MYO7A: variants seen among roughly 807,000 people sequenced by gnomAD.
MYO7A encodes myosin VIIA.
In MYO7A, 210 loss-of-function variants were observed where a neutral mutation model predicts 263.8. The ratio of observed to expected loss-of-function variants is 0.80; its 90% CI spans 0.71 to 0.89. MYO7A has a LOEUF of 0.89. Among genes scored for constraint, MYO7A ranks in the 40% least tolerant of loss-of-function variants. MYO7A has a pLI of 0.00. For missense variants in MYO7A, 2,820 were observed against 2,968.3 expected, an observed-to-expected ratio of 0.95 and a Z score of 1.16; for synonymous variants, 1,239 against 1,197.3, an observed-to-expected ratio of 1.03 and a Z score of -0.72.
intron 8 of MYO7A, among the ~76,000 whole-genome samples, chr11:77,157,816 T>C (rs1952638230): frequency 6.6e-6 from 1 of 152,224 alleles, no homozygotes; most frequent in African/African-American, 2.4e-5. Context: ...ACACACACTC[T>C]TGTAGACACA....
At chr11:77,207,448 CA>C (rs1318747992) in intron 42 of MYO7A, 46 bp downstream of exon 42, 1 of 1,382,104 alleles carries the variant, frequency 7.2e-7, no homozygotes, top group Admixed American at 1.9e-5. Context: ...TTGCTGGGGC[CA>C]TAGGAACTTA....
Position 77,162,458 on chromosome 11 carries a change from G to A in MYO7A, c.1554+128G>A, listed in dbSNP as rs547072286. 3 of 909,608 alleles carry A rather than the reference G, an allele frequency of 3.3e-6. No homozygotes were observed. The Admixed American group carries it at 6.3e-5, about 19-fold the overall frequency. The allele number at this position is 909,608 out of a possible 1,614,324, so 56.3% of individuals were successfully genotyped here. On this transcript the variant is annotated intron_variant, in intron 13 of 48. Transcript: ENST00000409709. The stretch of plus-strand genomic sequence containing the variant: ...ACCCACCTCTCAAGTTGGCTCAGGG[G>A]CCAATTCAAGTATAGGCATCTGCCA...
rs1212991453 is a variant in MYO7A at position 77,138,150 on chromosome 11, G to A, written c.19-4559G>A. On this transcript the variant is annotated intron_variant, in intron 2 of 48. Transcript: ENST00000409709. This position sits in a 1 kb window ranked among gnomAD's most constrained non-coding sequence, Gnocchi z 4.9. ...CCGAGACGGAGGGGGCCGGGGTGGCGCGGGCGCCCCCTCGCCGTCCCGCCC... is the reference window on the plus strand; with the variant it reads ...CCGAGACGGAGGGGGCCGGGGTGGCACGGGCGCCCCCTCGCCGTCCCGCCC... Among the ~76,000 whole-genome samples, 1 of 152,100 alleles carries A rather than the reference G, an allele frequency of 6.6e-6. No individual in the cohort carries two copies. Among genetic ancestry groups the A allele is most frequent in the Non-Finnish European group, 1.5e-5 (1 of 67,988 alleles).
rs1462479966 is a variant in MYO7A, at chr11:77,138,127, G to A, written c.19-4582G>A. Among the ~76,000 whole-genome samples, 4 of 152,084 alleles carry A rather than the reference G, an allele frequency of 2.6e-5. No homozygotes were observed. Among genetic ancestry groups the A allele is most frequent in the African/African-American group, 7.2e-5 (3 of 41,432 alleles). ...AAGTGGGGCTGTGGGGGGTTCGGCC[G>A]AGACGGAGGGGGCCGGGGTGGCGCG... On this transcript the variant is annotated intron_variant, in intron 2 of 48. Transcript: ENST00000409709. The surrounding 1 kb of genome is among the most constrained non-coding windows in gnomAD (Gnocchi z 4.9).
intron 18 of MYO7A, 127 bp from the exon 19 acceptor site, chr11:77,177,422 A>C: frequency 4.1e-6 from 3 of 725,158 alleles, no homozygotes; most frequent in South Asian, 1.7e-5. Flanking sequence ...GCCAGCTGGG[A>C]GCTCATGGGG....
At chr11:77,172,143 C>T (rs758665458) in intron 15 of MYO7A, among the ~76,000 whole-genome samples, 10 of 152,182 alleles carry the variant, frequency 6.6e-5, no homozygotes, top group Admixed American at 3.3e-4. Context: ...TTCCAGAAGG[C>T]GGCACCACCT....
chr11:77,150,323 C>T (rs1951875308), intron 4 of MYO7A, among the ~76,000 whole-genome samples: 1 of 152,126 alleles, frequency 6.6e-6, no homozygotes, highest in African/African-American at 2.4e-5. Flanking sequence ...GGTAGGTCAG[C>T]TGCATCAAGG....
rs1957434853 is a variant in MYO7A at position 77,206,172 on chromosome 11, CAA to C, written c.5714_5715del (p.Lys1905SerfsTer5). On this transcript the variant is annotated frameshift_variant, in exon 41 of 49. Transcript: ENST00000409709. LOFTEE classifies it high-confidence loss of function. ...IQHKTTQIFH[K>X]VYFPDDTDEA... ...AGCACAAGACCACCCAGATTTTCCA[CAA>C]AGTCTACTTCCCTGATGACACTGAC... 6.2e-7 allele frequency: 1 copy of C among 1,613,404 alleles called. No homozygotes were observed. Among genetic ancestry groups the C allele is most frequent in the Non-Finnish European group, 8.5e-7 (1 of 1,179,644 alleles).
chr11:77,149,825 G>A (rs1270742434), intron 4 of MYO7A, among the ~76,000 whole-genome samples: 2 of 152,168 alleles, frequency 1.3e-5, no homozygotes, highest in Non-Finnish European at 2.9e-5. Flanking sequence ...ACTCAGAGAG[G>A]CAGGGCATGG....
At chr11:77,164,186 C>T (rs1201777678) in intron 14 of MYO7A, among the ~76,000 whole-genome samples, 1 of 152,142 alleles carries the variant, frequency 6.6e-6, no homozygotes, top group Non-Finnish European at 1.5e-5. Flanking sequence ...AGAACACAGG[C>T]TTATCTCACC....
chr11:77,190,894 CT>C, intron 30 of MYO7A, 24 bp downstream of exon 30: 1 of 1,525,768 alleles, frequency 6.6e-7, no homozygotes, highest in Non-Finnish European at 8.8e-7. Flanking sequence ...GAAGCACCTC[CT>C]CCCGGAAGCA....
At chr11:77,172,498 AG>A (rs2135403347) in intron 15 of MYO7A, among the ~76,000 whole-genome samples, 1 of 152,238 alleles carries the variant, frequency 6.6e-6, no homozygotes, top group African/African-American at 2.4e-5. Context: ...ATCTTCCTGT[AG>A]GGTTCACTTC....
chr11:77,181,697 T>C (rs1474900510), intron 23 of MYO7A, 108 bp downstream of exon 23: 2 of 1,090,742 alleles, frequency 1.8e-6, no homozygotes, highest in African/African-American at 3.2e-5. Flanking sequence ...CTCTGAACAG[T>C]GGGGAGCAGA....
chr11:77,166,749 A>T (rs782222675), intron 15 of MYO7A, among the ~76,000 whole-genome samples: 11 of 152,082 alleles, frequency 7.2e-5, no homozygotes, highest in Non-Finnish European at 1.5e-4. Context: ...TGCCCCTTCC[A>T]TGCCTGTCTA....
intron 37 of MYO7A, 144 bp downstream of exon 37, chr11:77,202,568 G>A: frequency 8.8e-7 from 1 of 1,137,318 alleles, no homozygotes; most frequent in Non-Finnish European, 1.2e-6. Flanking sequence ...GGCTGTTTCT[G>A]TCTGCCAGGA....
rs565062617 is a variant in MYO7A at position 77,138,149 on chromosome 11, C to T, written c.19-4560C>T. On this transcript the variant is annotated intron_variant, in intron 2 of 48. Transcript: ENST00000409709. The surrounding 1 kb of genome is among the most constrained non-coding windows in gnomAD (Gnocchi z 4.9). ...GCCGAGACGGAGGGGGCCGGGGTGG[C>T]GCGGGCGCCCCCTCGCCGTCCCGCC... Among the ~76,000 whole-genome samples the T allele has an allele frequency of 6.6e-6, 1 of 152,172 alleles. No individual in the cohort carries two copies. The highest frequency in any genetic ancestry group is 2.4e-5 in the African/African-American group (1 of 41,550).
intron 38 of MYO7A, 39 bp from the exon 39 acceptor site, chr11:77,204,037 C>A (rs910841840): frequency 7.1e-6 from 11 of 1,559,872 alleles, no homozygotes; most frequent in Non-Finnish European, 9.6e-6. Flanking sequence ...GGCCAGTGCT[C>A]CCTCTATTCG....
In MYO7A at chr11:77,211,886, G is replaced by A. The variant is rs1173210504; in HGVS notation, c.6303G>A (p.Leu2101=). The stretch of plus-strand genomic sequence containing the variant: ...AGGAGGAGGCCAAGCTGGCCTTCCT[G>A]AAGCTCATCTTCAAGTGGCCCACCT... ...KSKEEAKLAF[L]KLIFKWPTFG... is the part of the protein sequence containing the mutation. The change falls in exon 46 of 49, where the codon CTG becomes CTA. Residue 2101 remains leucine, a synonymous_variant. Transcript: ENST00000409709. 1 of 1,613,864 alleles carries A rather than the reference G, an allele frequency of 6.2e-7. No homozygotes were observed. Among genetic ancestry groups the A allele is most frequent in the East Asian group, 2.2e-5 (1 of 44,880 alleles).
Position 77,170,765 on chromosome 11 carries a change from G to A in MYO7A, c.1798-1983G>A, listed in dbSNP as rs896262018. 3.3e-5 allele frequency among the ~76,000 whole-genome samples: 5 copies of A among 152,302 alleles called. No homozygotes were observed. The South Asian group carries it at 6.2e-4, about 19-fold the overall frequency. Reference sequence around the variant, plus strand: ...ATGGAAGCAAAGAGACGAGTTGGGGGGTTGCTGCAGGAATTTGAGAGCAAT... The same window carrying A: ...ATGGAAGCAAAGAGACGAGTTGGGGAGTTGCTGCAGGAATTTGAGAGCAAT... On this transcript the variant is annotated intron_variant, in intron 15 of 48. Coordinates refer to ENST00000409709, the MANE Select transcript of MYO7A (RefSeq NM_000260.4).
Sources: allele counts gnomAD v4.1 joint callset (sites outside exome capture counted in the v4.1 genomes callset), GRCh38; gene constraint gnomAD v4.1.1; non-coding constraint Gnocchi (gnomAD v3.1); transcripts MANE v1.5; gene names NCBI Gene and HGNC (gene_info 2026-07-23, HGNC 2026-07-21).